KCTD2: variants seen among roughly 807,000 people sequenced by gnomAD.
KCTD2 encodes the protein potassium channel tetramerization domain containing 2.
In KCTD2, 18 loss-of-function variants were observed where a neutral mutation model predicts 27.9. The ratio of observed to expected loss-of-function variants is 0.64; its 90% CI spans 0.45 to 0.96. KCTD2 has a LOEUF of 0.96. KCTD2 is among the 40% of genes least tolerant of loss of function. The pLI is 0.00. For synonymous variants in KCTD2, 175 were observed against 148.4 expected, an observed-to-expected ratio of 1.18 and a Z score of -1.30; for missense variants, 280 against 348.0, an observed-to-expected ratio of 0.80 and a Z score of 1.56.
In KCTD2 at chr17:75,053,858, C is replaced by CTTTT. The variant is rs71159419; in HGVS notation, c.540+776_540+779dup. The stretch of plus-strand genomic sequence containing the variant: ...CTTCAGCAGCTGCTTGTGAACCATG[C>CTTTT]TTTTTTTTTTTTTTTTTTTTTTTTT... On this transcript the variant is annotated intron_variant, in intron 3 of 5. Coordinates refer to ENST00000322444, the MANE Select transcript of KCTD2 (RefSeq NM_015353.3). Among the ~76,000 whole-genome samples, 76 of 59,316 alleles carry CTTTT rather than the reference C, an allele frequency of 1.3e-3. 19 individuals carry two copies. The highest frequency in any genetic ancestry group is 5.4e-3 in the African/African-American group (56 of 10,346). The allele number at this position is 59,316 out of a possible 152,430, so 38.9% of individuals were successfully genotyped here. A position where few individuals can be genotyped will look rare whatever the true frequency, so the allele number is the denominator to read the frequency against.
At chr17:75,060,147 C>T (rs770024565) in intron 4 of KCTD2, among the ~76,000 whole-genome samples, 9 of 152,166 alleles carry the variant, frequency 5.9e-5, no homozygotes, top group Non-Finnish European at 1.0e-4. Flanking sequence ...TGGAGCTTCA[C>T]TGTTCTCCTC....
chr17:75,042,508 C>G (rs557017001), upstream of KCTD2: 1 of 1,599,976 alleles, frequency 6.3e-7, no homozygotes, highest in South Asian at 1.1e-5. Flanking sequence ...GTATGGGGTT[C>G]CCTCTCAGAA....
intron 1 of KCTD2, chr17:75,033,931 A>AT (rs2040088362): frequency 6.6e-6 from 1 of 152,286 alleles, no homozygotes; most frequent in Non-Finnish European, 1.5e-5. Flanking sequence ...TGGATAAGGC[A>AT]CTGGCCTCCT....
chr17:75,047,874 C>T (rs1394672473), intron 1 of KCTD2, among the ~76,000 whole-genome samples: 1 of 152,172 alleles, frequency 6.6e-6, no homozygotes, highest in Admixed American at 6.5e-5. Context: ...ACTCCACACC[C>T]CTTCTCCATA....
Position 75,063,038 on chromosome 17 carries a change from G to A in KCTD2, c.783G>A (p.Ser261=), listed in dbSNP as rs557651506. 1.1e-5 allele frequency: 18 copies of A among 1,613,954 alleles called. No homozygotes were observed. Among genetic ancestry groups the A allele is most frequent in the Middle Eastern group, 1.6e-4 (1 of 6,062 alleles). Residue 261 remains serine (S), a synonymous_variant, in exon 6 of 6, where the codon TCG becomes TCA. Coordinates refer to ENST00000322444, the MANE Select transcript of KCTD2 (RefSeq NM_015353.3). The part of the protein sequence containing the change: ...EKAKILQERG[S]RM The stretch of plus-strand genomic sequence containing the variant: ...TTCAGATTCTTCAGGAGAGAGGATC[G>A]CGGATGTAAACTAAGACCCCGAAAA...
At chr17:75,034,565 G>A (rs958135193) in intron 2 of KCTD2, among the ~76,000 whole-genome samples, 2 of 152,172 alleles carry the variant, frequency 1.3e-5, no homozygotes, top group Non-Finnish European at 2.9e-5. Flanking sequence ...CCCAAACACG[G>A]CCCTGCTGTG....
chr17:75,048,472 TTCC>T (rs1164741912), intron 1 of KCTD2, among the ~76,000 whole-genome samples: 6 of 152,228 alleles, frequency 3.9e-5, no homozygotes, highest in African/African-American at 1.4e-4. Flanking sequence ...TTTTCGTTTA[TTCC>T]TCTTCTCTAA....
chr17:75,064,743 A>G lies in KCTD2; in HGVS notation c.*1696A>G, dbSNP rs1238910742. The G allele has an allele frequency of 6.6e-6, 1 of 152,202 alleles. No homozygotes were observed. The highest frequency in any genetic ancestry group is 1.9e-4 in the East Asian group (1 of 5,196). 9.4% of individuals were successfully genotyped at this position (152,202 alleles called of 1,614,324 possible). On this transcript the variant is annotated 3_prime_UTR_variant, in exon 6 of 6. Transcript: ENST00000322444. Reference sequence around the variant, plus strand: ...CCTCAGTAAAAGCAGCCACCCCTTCAAGAGTCACAGGCATCCATCCAGTCG... The same window carrying G: ...CCTCAGTAAAAGCAGCCACCCCTTCGAGAGTCACAGGCATCCATCCAGTCG...
rs1475387329 is a variant in KCTD2 at position 75,065,570 on chromosome 17, A to G, written c.*2523A>G. ...ATCCCCCAACTGATGACACAGTAGC[A>G]CTGATTCTGTCTTTTCCTCAGAATC... On this transcript the variant is annotated 3_prime_UTR_variant, in exon 6 of 6. Transcript: ENST00000322444. The G allele has an allele frequency of 2.0e-5, 3 of 152,204 alleles. No individual in the cohort carries two copies. Among genetic ancestry groups the G allele is most frequent in the Non-Finnish European group, 2.9e-5 (2 of 68,120 alleles). 9.4% of individuals were successfully genotyped at this position (152,204 alleles called of 1,614,324 possible).
rs1245305742 is a variant in KCTD2, at chr17:75,047,355, C to T, written c.105C>T (p.Arg35=). Residue 35 remains arginine (R), a synonymous_variant, in exon 1 of 6, where the codon CGC becomes CGT. Coordinates refer to ENST00000322444, the MANE Select transcript of KCTD2 (RefSeq NM_015353.3). ...CAGTCCGCGGGCCCCCCAGCCCACGCCCGGCTGGCCCCACGCCCCGCGGGC... is the reference window on the plus strand; with the variant it reads ...CAGTCCGCGGGCCCCCCAGCCCACGTCCGGCTGGCCCCACGCCCCGCGGGC... The part of the protein sequence containing the change: ...GGPVRGPPSP[R]PAGPTPRGHG... 3 of 1,136,710 alleles carry T rather than the reference C, an allele frequency of 2.6e-6. No homozygotes were observed. In the African/African-American group the frequency reaches 5.0e-5, roughly 19 times the overall value. 70.4% of individuals were successfully genotyped at this position (1,136,710 alleles called of 1,614,324 possible). A position where few individuals can be genotyped will look rare whatever the true frequency, so the allele number is the denominator to read the frequency against.
At chr17:75,042,516 G>A, upstream of KCTD2, 23 of 1,604,304 alleles carry the variant, frequency 1.4e-5, no homozygotes, top group Non-Finnish European at 2.0e-5. Flanking sequence ...TTCCCTCTCA[G>A]AAACATACTG....
At chr17:75,034,455 C>A (rs1204829523) in intron 2 of KCTD2, among the ~76,000 whole-genome samples, 1 of 152,206 alleles carries the variant, frequency 6.6e-6, no homozygotes, top group African/African-American at 2.4e-5. Context: ...CTCGAACCCA[C>A]AATCCCTGGC....
chr17:75,035,113 G>C (rs1388456003), intron 2 of KCTD2: 1 of 152,190 alleles, frequency 6.6e-6, no homozygotes, highest in East Asian at 2.0e-4. Context: ...TGCAGCCGGA[G>C]ACCGCGTGGC....
At chr17:75,054,544 G>A (rs1467413386) in intron 3 of KCTD2, among the ~76,000 whole-genome samples, 1 of 152,036 alleles carries the variant, frequency 6.6e-6, no homozygotes, top group African/African-American at 2.4e-5. Flanking sequence ...GGTGGCTCAC[G>A]CCTGTAATCC....
chr17:75,033,977 T>A (rs1258817508), intron 1 of KCTD2: 2 of 151,948 alleles, frequency 1.3e-5, no homozygotes, highest in African/African-American at 4.8e-5. Context: ...CCACCTGGGG[T>A]AGAGGTGAAA....
At chr17:75,058,721 C>G (rs1598127509) in intron 3 of KCTD2, among the ~76,000 whole-genome samples, 1 of 152,204 alleles carries the variant, frequency 6.6e-6, no homozygotes, top group South Asian at 2.1e-4. Flanking sequence ...ATCGCTTGAA[C>G]CGGGGAGGCG....
At chr17:75,041,458 A>AAC (rs1268433875) in intron 3 of KCTD2, 1 of 151,482 alleles carries the variant, frequency 6.6e-6, no homozygotes, top group African/African-American at 2.4e-5. Context: ...AAAAAAAAAA[A>AAC]AAAAACAAAA....
At chr17:75,035,151 T>G (rs1458576584) in intron 2 of KCTD2, 1 of 152,060 alleles carries the variant, frequency 6.6e-6, no homozygotes, top group Non-Finnish European at 1.5e-5. Context: ...TGACTTCGGA[T>G]CAGAAGATTG....
At chr17:75,052,990 A>C (rs1204884981) in intron 2 of KCTD2, 24 bp from the exon 3 acceptor site, 6 of 1,582,556 alleles carry the variant, frequency 3.8e-6, no homozygotes, top group Non-Finnish European at 5.2e-6. Flanking sequence ...CACCTATCTG[A>C]CTGCAGTTTT....
Sources: gnomAD v4.1 joint callset for allele counts (sites outside exome capture counted in the v4.1 genomes callset) on GRCh38, gnomAD v4.1.1 for gene constraint, MANE v1.5 for transcripts, NCBI Gene and HGNC (gene_info 2026-07-23, HGNC 2026-07-21) for gene names.